Variants in INPP4B observed in about 807,000 individuals in gnomAD.
INPP4B encodes the protein inositol polyphosphate 4-phosphatase type II.
Under a neutral mutation model 122.5 loss-of-function variants are expected in INPP4B, and 55 were observed. That is an observed-to-expected ratio of 0.45 (90% CI 0.36 to 0.56). INPP4B has a LOEUF of 0.56. INPP4B is among the 20% of genes least tolerant of loss of function. INPP4B has a pLI of 0.00. For synonymous variants in INPP4B, 403 were observed against 388.7 expected, an observed-to-expected ratio of 1.04 and a Z score of -0.43; for missense variants, 1,000 against 1,097.7, an observed-to-expected ratio of 0.91 and a Z score of 1.26.
intron 12 of INPP4B, among the ~76,000 whole-genome samples, chr4:142,222,577 A>C (rs1907120): frequency 0.54 from 82,211 of 152,114 alleles, 26,833 homozygotes; most frequent in Non-Finnish European, 0.71. Context: ...TTGAGTGCTT[A>C]TTATATGTTA....
intron 1 of INPP4B, among the ~76,000 whole-genome samples, chr4:142,750,545 A>G (rs1769532360): frequency 6.6e-6 from 1 of 152,088 alleles, no homozygotes; most frequent in Non-Finnish European, 1.5e-5. Context: ...GTTTGTCATG[A>G]TATGTATGTA....
At chr4:142,270,455 TG>T (rs745496820) in intron 10 of INPP4B, among the ~76,000 whole-genome samples, 33 of 152,300 alleles carry the variant, frequency 2.2e-4, no homozygotes, top group Non-Finnish European at 4.1e-4. Context: ...TGCTTCTGAA[TG>T]GAGCATTGCT....
chr4:142,367,539 G>C (rs1561943545), intron 7 of INPP4B, among the ~76,000 whole-genome samples: 1 of 152,052 alleles, frequency 6.6e-6, no homozygotes, highest in Admixed American at 6.6e-5. Flanking sequence ...TTCACGAAGA[G>C]GAAACTGAAG....
chr4:142,512,016 A>C (rs2149871802), intron 2 of INPP4B, among the ~76,000 whole-genome samples: 1 of 152,318 alleles, frequency 6.6e-6, no homozygotes. Flanking sequence ...AGCCATTTAT[A>C]AGACACTAAA....
chr4:142,078,605 A>T (rs1027998011), intron 25 of INPP4B, among the ~76,000 whole-genome samples: 1 of 152,026 alleles, frequency 6.6e-6, no homozygotes, highest in Non-Finnish European at 1.5e-5. Flanking sequence ...ATTTCTGAAT[A>T]AGAGCCAAAT....
At chr4:142,473,744 G>T (rs1270285952) in intron 2 of INPP4B, among the ~76,000 whole-genome samples, 1 of 152,064 alleles carries the variant, frequency 6.6e-6, no homozygotes, top group African/African-American at 2.4e-5. Flanking sequence ...GTCCTTGGAA[G>T]TACCCAGACA....
intron 2 of INPP4B, among the ~76,000 whole-genome samples, chr4:142,497,948 G>A (rs1421429372): frequency 6.6e-6 from 1 of 152,040 alleles, no homozygotes; most frequent in Non-Finnish European, 1.5e-5. Context: ...TGCCTCATTT[G>A]GCCCAGAAAA....
intron 2 of INPP4B, among the ~76,000 whole-genome samples, chr4:142,576,075 A>G (rs967786887): frequency 6.6e-6 from 1 of 152,090 alleles, no homozygotes; most frequent in Non-Finnish European, 1.5e-5. Flanking sequence ...GCCTACGAGT[A>G]ACACAGCTGC....
chr4:142,548,789 ATATT>A (rs1727298449), intron 2 of INPP4B, among the ~76,000 whole-genome samples: 1 of 151,844 alleles, frequency 6.6e-6, no homozygotes, highest in Non-Finnish European at 1.5e-5. Flanking sequence ...ACATATATAT[ATATT>A]AATTTAACGT....
chr4:142,457,056 A>C (rs1815605608), intron 3 of INPP4B, among the ~76,000 whole-genome samples: 1 of 152,086 alleles, frequency 6.6e-6, no homozygotes, highest in South Asian at 2.1e-4. Context: ...AGAAAAAATA[A>C]TTATTTAAAT....
chr4:142,797,513 G>A (rs1251191290), intron 1 of INPP4B, among the ~76,000 whole-genome samples: 1 of 151,902 alleles, frequency 6.6e-6, no homozygotes, highest in African/African-American at 2.4e-5. Context: ...CTATATCTAG[G>A]TGATTGTACT....
intron 2 of INPP4B, among the ~76,000 whole-genome samples, chr4:142,647,946 C>A (rs528451209): frequency 6.6e-6 from 1 of 152,356 alleles, no homozygotes; most frequent in African/African-American, 2.4e-5. Flanking sequence ...TGTGTACATG[C>A]ACATTTCCTC....
At chr4:142,436,824 A>G (rs1412090756) in intron 3 of INPP4B, among the ~76,000 whole-genome samples, 1 of 144,188 alleles carries the variant, frequency 6.9e-6, no homozygotes. Flanking sequence ...AAAAAAAAAG[A>G]TGAAAACCCC....
chr4:142,251,228 C>T lies in INPP4B; in HGVS notation c.688+9264G>A, dbSNP rs754467022. On this transcript the variant is annotated intron_variant, in intron 11 of 25. Transcript: ENST00000262992. ...TCTTTTTGTGCATATAAAAAAGTTA[C>T]GGGGTTCACATAAGTCAGTCATTAA... Among the ~76,000 whole-genome samples the T allele has an allele frequency of 2.4e-4, 37 of 151,992 alleles. 1 individual carries two copies. Among genetic ancestry groups the T allele is most frequent in the African/African-American group, 4.6e-4 (19 of 41,388 alleles).
chr4:142,193,997 T>A (rs1837133890), intron 14 of INPP4B, among the ~76,000 whole-genome samples: 1 of 152,192 alleles, frequency 6.6e-6, no homozygotes, highest in Non-Finnish European at 1.5e-5. Flanking sequence ...TTGAGAAACC[T>A]AATTTCATAG....
intron 12 of INPP4B, among the ~76,000 whole-genome samples, chr4:142,221,594 A>G (rs1849418953): frequency 6.7e-6 from 1 of 150,322 alleles, no homozygotes; most frequent in African/African-American, 2.5e-5. Flanking sequence ...CCAATGGGCC[A>G]TAAGAAAGGA....
At chr4:142,218,844 C>G (rs1848328808) in intron 12 of INPP4B, among the ~76,000 whole-genome samples, 2 of 152,240 alleles carry the variant, frequency 1.3e-5, no homozygotes, top group Admixed American at 1.3e-4. Flanking sequence ...AAATTAAATA[C>G]TAAATAGTCA....
intron 2 of INPP4B, among the ~76,000 whole-genome samples, chr4:142,611,740 C>T (rs1433300352): frequency 7.2e-6 from 1 of 139,410 alleles, no homozygotes; most frequent in Non-Finnish European, 1.5e-5. Context: ...GTGATCTCGG[C>T]TCACTGCAAG....
intron 7 of INPP4B, among the ~76,000 whole-genome samples, chr4:142,359,341 T>C (rs1233747914): frequency 6.6e-6 from 1 of 151,980 alleles, no homozygotes; most frequent in Non-Finnish European, 1.5e-5. Context: ...GTTTCCTTCT[T>C]GTAAAAATAG....
Sources: gnomAD v4.1 joint callset for allele counts (sites outside exome capture counted in the v4.1 genomes callset) on GRCh38, gnomAD v4.1.1 for gene constraint, MANE v1.5 for transcripts, NCBI Gene and HGNC (gene_info 2026-07-23, HGNC 2026-07-21) for gene names.